The following WDR7 variants were observed in gnomAD, a reference collection of about 807,000 sequenced individuals.
WDR7 encodes WD repeat-containing protein 7.
Under a neutral mutation model 169.4 loss-of-function variants are expected in WDR7, and 46 were observed. The observed-to-expected ratio is 0.27, with a 90% CI of 0.21 to 0.35. The LOEUF (loss-of-function observed/expected upper bound fraction) is 0.35. WDR7 is among the 10% of genes least tolerant of loss of function. The pLI, the probability that WDR7 is intolerant of heterozygous loss-of-function variation, is 1.00. For synonymous variants in WDR7, 612 were observed against 666.8 expected (o/e 0.92, Z 1.27); for missense variants, 1,534 against 1,859.3 (o/e 0.83, Z 3.22).
At chr18:56,664,530 C>T (rs375112136) in intron 1 of WDR7, among the ~76,000 whole-genome samples, 1 of 145,674 alleles carries the variant, frequency 6.9e-6, no homozygotes, top group African/African-American at 2.6e-5. Context: ...TTTTTTTCTC[C>T]TTTTTTTTTT....
At chr18:56,841,270 G>C (rs185092728) in intron 20 of WDR7, among the ~76,000 whole-genome samples, 2 of 151,738 alleles carry the variant, frequency 1.3e-5, no homozygotes, top group East Asian at 2.0e-4. Context: ...GGCTGGGCGC[G>C]GTGGCCCACA....
intron 26 of WDR7, among the ~76,000 whole-genome samples, chr18:56,998,081 G>T (rs1238707817): frequency 6.6e-6 from 1 of 152,120 alleles, no homozygotes; most frequent in East Asian, 1.9e-4. Flanking sequence ...GACAAATCAG[G>T]TGTATATTTG....
chr18:56,922,152 A>G (rs950452074), intron 21 of WDR7, among the ~76,000 whole-genome samples: 1 of 152,188 alleles, frequency 6.6e-6, no homozygotes, highest in Non-Finnish European at 1.5e-5. Context: ...AAACAGGAAA[A>G]TGGTAGATAA....
chr18:56,769,445 C>T (rs1334173403), intron 16 of WDR7, among the ~76,000 whole-genome samples: 2 of 152,278 alleles, frequency 1.3e-5, no homozygotes, highest in South Asian at 2.1e-4. Context: ...GTGATCCTCC[C>T]ACCCCAACCT....
chr18:56,991,584 C>A (rs2047820183), intron 26 of WDR7, among the ~76,000 whole-genome samples: 2 of 152,102 alleles, frequency 1.3e-5, no homozygotes, highest in Non-Finnish European at 2.9e-5. Flanking sequence ...TTATGTGGAC[C>A]AAACAAAACA....
chr18:56,666,523 C>A (rs982959393), intron 1 of WDR7, among the ~76,000 whole-genome samples: 3 of 152,008 alleles, frequency 2.0e-5, no homozygotes, highest in African/African-American at 7.2e-5. Context: ...CCTTCTAACA[C>A]CACTTAGCCC....
chr18:56,933,891 C>G (rs1165531978), intron 22 of WDR7, among the ~76,000 whole-genome samples: 5 of 152,238 alleles, frequency 3.3e-5, no homozygotes, highest in Non-Finnish European at 7.3e-5. Flanking sequence ...AGTTCTTCCT[C>G]TGTAGCGTGC....
intron 20 of WDR7, among the ~76,000 whole-genome samples, chr18:56,839,402 T>G (rs2045446440): frequency 6.6e-6 from 1 of 152,188 alleles, no homozygotes; most frequent in Non-Finnish European, 1.5e-5. Context: ...TATCATATTA[T>G]TTTGTCATTA....
intron 19 of WDR7, among the ~76,000 whole-genome samples, chr18:56,788,074 T>C (rs2044429540): frequency 6.6e-6 from 1 of 152,200 alleles, no homozygotes; most frequent in Admixed American, 6.5e-5. Flanking sequence ...TTTTAAGGAA[T>C]GGTTTTCTAG....
intron 21 of WDR7, among the ~76,000 whole-genome samples, chr18:56,912,969 G>C (rs1382002283): frequency 6.6e-6 from 1 of 151,544 alleles, no homozygotes; most frequent in Admixed American, 6.6e-5. Flanking sequence ...TTACCTCCTG[G>C]GCTCAAGGGA....
intron 14 of WDR7, 53 bp from the exon 15 acceptor site, chr18:56,756,530 T>C (rs1415238509): frequency 1.1e-5 from 15 of 1,361,476 alleles, no homozygotes; most frequent in South Asian, 1.5e-5. Context: ...TTAATGAATG[T>C]ATGAAATTAA....
chr18:56,989,729 G>T (rs937899311), intron 26 of WDR7, among the ~76,000 whole-genome samples: 7 of 152,066 alleles, frequency 4.6e-5, no homozygotes, highest in African/African-American at 1.4e-4. Context: ...TCTCAATAGA[G>T]TATTTTTTTC....
intron 25 of WDR7, among the ~76,000 whole-genome samples, chr18:56,956,149 G>A (rs2047247387): frequency 2.0e-5 from 3 of 152,126 alleles, no homozygotes; most frequent in Admixed American, 6.6e-5. Context: ...ATTCCCCAGT[G>A]TCTGTCACCA....
At chr18:56,666,296 C>T (rs558584888) in intron 1 of WDR7, among the ~76,000 whole-genome samples, 10 of 149,018 alleles carry the variant, frequency 6.7e-5, no homozygotes, top group African/African-American at 1.7e-4. Flanking sequence ...CTCCGTCTCC[C>T]GGGTTCAAGC....
chr18:56,702,063 G>A (rs2025845966), intron 12 of WDR7, among the ~76,000 whole-genome samples: 1 of 152,194 alleles, frequency 6.6e-6, no homozygotes, highest in Admixed American at 6.5e-5. Context: ...GGATAGGGGA[G>A]GCCAAGAGTG....
chr18:56,938,490 A>G (rs368718002), intron 23 of WDR7, 43 bp from the exon 24 acceptor site: 14 of 1,598,108 alleles, frequency 8.8e-6, no homozygotes, highest in Non-Finnish European at 1.2e-5. Context: ...ATGTAAAACT[A>G]TATCAGTGTC....
At chr18:56,691,470 T>A (rs2025568911) in intron 8 of WDR7, 109 bp downstream of exon 8, 1 of 1,258,092 alleles carries the variant, frequency 7.9e-7, no homozygotes, top group Non-Finnish European at 1.0e-6. Context: ...TTAACTTTGA[T>A]AAAACACTTC....
chr18:57,017,112 G>A (rs536592111), intron 26 of WDR7, among the ~76,000 whole-genome samples: 1 of 152,378 alleles, frequency 6.6e-6, no homozygotes, highest in Admixed American at 6.5e-5. Context: ...TAATGCCAGA[G>A]TAGAGGTTAA....
chr18:56,965,977 A>AATCGT (rs956545799), intron 26 of WDR7, among the ~76,000 whole-genome samples: 29 of 152,138 alleles, frequency 1.9e-4, no homozygotes, highest in African/African-American at 6.8e-4. Context: ...TGATTTGTAA[A>AATCGT]ATCGTAACAG....
Sources: allele counts gnomAD v4.1 joint callset (sites outside exome capture counted in the v4.1 genomes callset), GRCh38; gene constraint gnomAD v4.1.1; transcripts MANE v1.5; gene names NCBI Gene and HGNC (gene_info 2026-07-23, HGNC 2026-07-21).